The following TBC1D14 variants were observed in gnomAD, a reference collection of about 807,000 sequenced individuals.
TBC1D14 encodes the protein TBC1 domain family member 14.
A neutral mutation model predicts 79.0 loss-of-function variants in TBC1D14; 26 were observed. The observed-to-expected ratio is 0.33, with a 90% CI of 0.24 to 0.46. The LOEUF is 0.46. Ranked by LOEUF, TBC1D14 falls within the 20% of genes least tolerant of loss-of-function variation. The pLI, the probability that TBC1D14 is intolerant of heterozygous loss-of-function variation, is 1.00. For missense variants in TBC1D14, 769 were observed against 887.6 expected, an observed-to-expected ratio of 0.87 and a Z score of 1.70; for synonymous variants, 394 against 349.9, an observed-to-expected ratio of 1.13 and a Z score of -1.40.
intron 1 of TBC1D14, among the ~76,000 whole-genome samples, chr4:6,919,248 G>A (rs992113300): frequency 6.6e-6 from 1 of 151,980 alleles, no homozygotes; most frequent in East Asian, 1.9e-4. Flanking sequence ...CCGGGTTCAA[G>A]CTATTCTCCT....
intron 2 of TBC1D14, among the ~76,000 whole-genome samples, chr4:6,955,439 T>C (rs1714537745): frequency 6.6e-6 from 1 of 152,056 alleles, no homozygotes; most frequent in Non-Finnish European, 1.5e-5. Context: ...ATGTAAAACA[T>C]AGGTAAAGTG....
intron 2 of TBC1D14, among the ~76,000 whole-genome samples, chr4:6,937,597 C>T (rs1021862918): frequency 6.6e-6 from 1 of 152,132 alleles, no homozygotes; most frequent in Non-Finnish European, 1.5e-5. Flanking sequence ...TGCTGGGGGG[C>T]AGCAAGGGCC....
chr4:7,011,759 T>G (rs554836820), intron 11 of TBC1D14, among the ~76,000 whole-genome samples: 1 of 151,894 alleles, frequency 6.6e-6, no homozygotes, highest in South Asian at 2.1e-4. Flanking sequence ...GGTTTTGCCA[T>G]GTTGGCCAGG....
In TBC1D14 at chr4:7,015,746, T is replaced by A. The variant is rs189064572; in HGVS notation, c.1757+1189T>A. Among the ~76,000 whole-genome samples the A allele has an allele frequency of 1.4e-3, 214 of 152,222 alleles. No homozygotes were observed. In the Middle Eastern group the frequency reaches 0.027, roughly 19 times the overall value. On this transcript the variant is annotated intron_variant, in intron 12 of 13. Coordinates refer to ENST00000409757, the MANE Select transcript of TBC1D14 (RefSeq NM_020773.3). Reference sequence around the variant, plus strand: ...CCCAGCCCAAACCCAGCTTCTCCCATTATTGCCTTGTGGTCTTGGGGAAGG... The same window carrying A: ...CCCAGCCCAAACCCAGCTTCTCCCAATATTGCCTTGTGGTCTTGGGGAAGG...
chr4:6,958,376 T>TATACACACACACAC (rs538972596), intron 2 of TBC1D14, among the ~76,000 whole-genome samples: 22 of 149,220 alleles, frequency 1.5e-4, no homozygotes, highest in Middle Eastern at 3.4e-3. Flanking sequence ...TCCCCACATA[T>TATACACACACACAC]ACACACACAC....
intron 1 of TBC1D14, among the ~76,000 whole-genome samples, chr4:6,915,651 A>G (rs760598422): frequency 2.0e-5 from 3 of 152,092 alleles, no homozygotes; most frequent in African/African-American, 7.2e-5. Flanking sequence ...CGGTGTATTT[A>G]GAGTTCAGGA....
intron 2 of TBC1D14, among the ~76,000 whole-genome samples, chr4:6,948,000 C>T (rs1713648954): frequency 6.6e-6 from 1 of 152,178 alleles, no homozygotes; most frequent in Non-Finnish European, 1.5e-5. Context: ...ATACTCCCAG[C>T]TCTGTGTCAG....
At chr4:6,940,241 G>A (rs564312670) in intron 2 of TBC1D14, among the ~76,000 whole-genome samples, 2 of 152,354 alleles carry the variant, frequency 1.3e-5, no homozygotes, top group South Asian at 2.1e-4. Context: ...TGGCCACCCC[G>A]TTGGGCGGCT....
intron 1 of TBC1D14, among the ~76,000 whole-genome samples, chr4:6,917,308 T>C (rs1033475028): frequency 6.6e-6 from 1 of 152,022 alleles, no homozygotes; most frequent in Non-Finnish European, 1.5e-5. Context: ...TTCCCAGAAA[T>C]GATGAGAGCT....
Position 6,934,134 on chromosome 4 carries a change from C to G in TBC1D14, c.722+10023C>G, listed in dbSNP as rs537081217. On this transcript the variant is annotated intron_variant, in intron 2 of 13. Transcript: ENST00000409757. ...GGGCTGGATGGGAGGTATACATTGA[C>G]TTGTTGGCATTGGAGGTGGTTTGAA... Among the ~76,000 whole-genome samples the G allele has an allele frequency of 2.6e-5, 4 of 152,032 alleles. No homozygotes were observed. In the South Asian group the frequency reaches 8.3e-4, roughly 32 times the overall value.
At chr4:6,926,028 C>CCAG (rs957382488) in intron 2 of TBC1D14, among the ~76,000 whole-genome samples, 6 of 152,322 alleles carry the variant, frequency 3.9e-5, no homozygotes, top group African/African-American at 1.2e-4. Flanking sequence ...TGTGCCATGT[C>CCAG]CAGCTCTGTG....
intron 1 of TBC1D14, among the ~76,000 whole-genome samples, chr4:6,917,323 C>A (rs1161763489): frequency 1.3e-5 from 2 of 152,204 alleles, no homozygotes; most frequent in African/African-American, 4.8e-5. Flanking sequence ...AGAGCTGTGT[C>A]TGCCTGCAGC....
chr4:7,008,848 T>G (rs1720476892), intron 9 of TBC1D14, among the ~76,000 whole-genome samples: 1 of 152,242 alleles, frequency 6.6e-6, no homozygotes, highest in Admixed American at 6.5e-5. Flanking sequence ...GTAATGCTCT[T>G]GTTTTCTTGT....
At chr4:7,023,704 G>A (rs1349760079) in intron 12 of TBC1D14, among the ~76,000 whole-genome samples, 1 of 152,200 alleles carries the variant, frequency 6.6e-6, no homozygotes, top group Admixed American at 6.5e-5. Flanking sequence ...ACTTACTGGT[G>A]GTGAGACCTG....
At chr4:6,973,752 T>C (rs1716462268) in intron 3 of TBC1D14, among the ~76,000 whole-genome samples, 1 of 152,160 alleles carries the variant, frequency 6.6e-6, no homozygotes, top group South Asian at 2.1e-4. Flanking sequence ...AGCTCTGTAC[T>C]TCTGACTTGG....
chr4:6,996,855 G>A (rs1315087711), intron 5 of TBC1D14, among the ~76,000 whole-genome samples: 2 of 152,244 alleles, frequency 1.3e-5, no homozygotes, highest in African/African-American at 2.4e-5. Flanking sequence ...GACTGTGTAA[G>A]ATAGAAATAC....
intron 9 of TBC1D14, among the ~76,000 whole-genome samples, chr4:7,007,859 C>G (rs1173309993): frequency 1.3e-5 from 2 of 152,226 alleles, no homozygotes; most frequent in Non-Finnish European, 2.9e-5. Context: ...CTTCCCCCAG[C>G]CCAAAAGGCC....
chr4:7,001,708 TTGTC>T (rs1434438106), intron 7 of TBC1D14, among the ~76,000 whole-genome samples: 1 of 152,058 alleles, frequency 6.6e-6, no homozygotes, highest in Non-Finnish European at 1.5e-5. Flanking sequence ...CTCTGGGAGT[TTGTC>T]TGCTGGGTGA....
chr4:6,992,478 C>G (rs921128310), intron 3 of TBC1D14, among the ~76,000 whole-genome samples: 1 of 152,154 alleles, frequency 6.6e-6, no homozygotes, highest in Non-Finnish European at 1.5e-5. Flanking sequence ...GCTGTGAAGA[C>G]AAAGTGAGTC....
Sources: gnomAD v4.1 joint callset for allele counts (sites outside exome capture counted in the v4.1 genomes callset) on GRCh38, gnomAD v4.1.1 for gene constraint, MANE v1.5 for transcripts, NCBI Gene and HGNC (gene_info 2026-07-23, HGNC 2026-07-21) for gene names.